ZNF622: variants seen among roughly 807,000 people sequenced by gnomAD.
The protein encoded by ZNF622 is zinc finger protein 622.
A neutral mutation model predicts 49.7 loss-of-function variants in ZNF622; 34 were observed. The observed-to-expected ratio is 0.68, with a 90% confidence interval of 0.52 to 0.91. ZNF622 has a LOEUF of 0.91. ZNF622 is among the 40% of genes least tolerant of loss of function. ZNF622 has a pLI of 0.00. For missense variants in ZNF622, 569 were observed against 616.4 expected (o/e 0.92, Z 0.81); for synonymous variants, 209 against 228.7 (o/e 0.91, Z 0.78).
intron 5 of ZNF622, among the ~76,000 whole-genome samples, chr5:16,452,568 T>C (rs1201919936): frequency 6.6e-6 from 1 of 152,184 alleles, no homozygotes; most frequent in Non-Finnish European, 1.5e-5. Context: ...ATCATCTCTG[T>C]TTTATAAATG....
Position 16,453,119 on chromosome 5 carries a change from G to A in ZNF622, c.1200C>T (p.Tyr400=), listed in dbSNP as rs779826645. 5 of 1,571,240 alleles carry A rather than the reference G, an allele frequency of 3.2e-6. No individual in the cohort carries two copies. In the South Asian group the frequency reaches 4.6e-5, roughly 15 times the overall value. ...RVGHRSLMRY[Y]KQRFGLSRAV... ...CTCTTGACAAGCCAAATCGCTGTTT[G>A]TAGTATCTCATCAAGGAGCGATGAC... Residue 400 remains tyrosine (Y), a synonymous_variant, in exon 5 of 6, where the codon TAC becomes TAT. Transcript: ENST00000308683.
At position 16,453,145 on chromosome 5, in the gene ZNF622, C is replaced by A. The variant is rs960375926; in HGVS notation, c.1174G>T (p.Gly392Cys). The A allele has an allele frequency of 2.0e-6, 3 of 1,513,076 alleles. No individual in the cohort carries two copies. Among genetic ancestry groups the A allele is most frequent in the Non-Finnish European group, 2.7e-6 (3 of 1,122,196 alleles). The allele number at this position is 1,513,076 out of a possible 1,614,324, so 93.7% of individuals were successfully genotyped here. The change falls in exon 5 of 6, where the codon GGT becomes TGT. Residue 392 changes from glycine (G) to cysteine (C), a missense_variant. By Grantham distance (159) the Gly-to-Cys change is radical. Coordinates refer to ENST00000308683, the MANE Select transcript of ZNF622 (RefSeq NM_033414.3). ...ELILPSGARVGHRSLMRYYKQ... is the reference protein window; with the variant it reads ...ELILPSGARVCHRSLMRYYKQ... ...TAGTATCTCATCAAGGAGCGATGACCCACTCTGGCACCTGTTTTTCAAAAG... is the reference window on the plus strand; with the variant it reads ...TAGTATCTCATCAAGGAGCGATGACACACTCTGGCACCTGTTTTTCAAAAG...
At position 16,465,619 on chromosome 5, in the gene ZNF622, G is replaced by C. The variant is rs755855051; in HGVS notation, c.47C>G (p.Ala16Gly). 2.5e-6 allele frequency: 4 copies of C among 1,599,188 alleles called. No individual in the cohort carries two copies. The highest frequency in any genetic ancestry group is 1.1e-5 in the South Asian group (1 of 89,686). ...CITCRVAFRD[A>G]DMQRAHYKTD... ...CTTATAGTGGGCCCGCTGCATGTCCGCGTCGCGGAACGCCACCCGGCAAGT... is the reference window on the plus strand; with the variant it reads ...CTTATAGTGGGCCCGCTGCATGTCCCCGTCGCGGAACGCCACCCGGCAAGT... The change falls in exon 1 of 6, where the codon GCG (alanine) becomes GGG (glycine). Residue 16 changes from alanine (A) to glycine (G), a missense_variant. Physicochemically the swap from Ala to Gly is moderately conservative, Grantham distance 60 (BLOSUM62 0). Transcript: ENST00000308683. The surrounding 1 kb of genome is among the most constrained non-coding windows in gnomAD (Gnocchi z 6.2).
At position 16,463,426 on chromosome 5, in the gene ZNF622, C is replaced by A; in HGVS notation, c.886+56G>T. 1 of 1,544,876 alleles carries A rather than the reference C, an allele frequency of 6.5e-7. No homozygotes were observed. Among genetic ancestry groups the A allele is most frequent in the African/African-American group, 1.4e-5 (1 of 72,674 alleles). On this transcript the variant is annotated intron_variant, in intron 2 of 5. Transcript: ENST00000308683. The surrounding 1 kb of genome is among the most constrained non-coding windows in gnomAD (Gnocchi z 4.2). ...ATGCAAAACTAATGTTCCCTTGAGA[C>A]CAGTCCCCCAATAATGTGATTATTT...
At chr5:16,453,185 ACT>A in intron 4 of ZNF622, 29 bp from the exon 5 acceptor site, 1 of 1,440,100 alleles carries the variant, frequency 6.9e-7, no homozygotes. Context: ...ATACTGAAAC[ACT>A]GAGTTGGATA....
At position 16,451,651 on chromosome 5, in the gene ZNF622, A is replaced by G. The variant is rs776577634; in HGVS notation, c.*6T>C. On this transcript the variant is annotated 3_prime_UTR_variant, in exon 6 of 6. Coordinates refer to ENST00000308683, the MANE Select transcript of ZNF622 (RefSeq NM_033414.3). ...CAGGAGATGATTGCTCAATCCCAGC[A>G]GACTCTCAGAATCTCACTTGGACCC... 3.1e-6 allele frequency: 5 copies of G among 1,612,790 alleles called. No individual in the cohort carries two copies. The highest frequency in any genetic ancestry group is 1.3e-5 in the African/African-American group (1 of 74,916).
intron 4 of ZNF622, among the ~76,000 whole-genome samples, chr5:16,453,545 T>A (rs1737967601): frequency 7.5e-6 from 1 of 133,164 alleles, no homozygotes; most frequent in Admixed American, 8.0e-5. Context: ...TTTATATATA[T>A]AAATAAATAA....
At chr5:16,458,755 T>C in intron 3 of ZNF622, 126 bp from the exon 4 acceptor site, 2 of 610,338 alleles carry the variant, frequency 3.3e-6, no homozygotes, top group South Asian at 2.3e-5. Flanking sequence ...GAAGCAGCTG[T>C]AGGAACTACC....
intron 5 of ZNF622, 54 bp from the exon 6 acceptor site, chr5:16,451,838 G>A: frequency 6.3e-7 from 1 of 1,575,756 alleles, no homozygotes; most frequent in East Asian, 2.3e-5. Context: ...TTTGTGATCA[G>A]AGAAAATCCA....
chr5:16,460,419 G>A (rs2126493437), intron 3 of ZNF622, among the ~76,000 whole-genome samples: 1 of 152,246 alleles, frequency 6.6e-6, no homozygotes, highest in South Asian at 2.1e-4. Flanking sequence ...GTGAAATTTA[G>A]GTAATTTGTC....
chr5:16,464,276 T>C (rs1031837453), intron 1 of ZNF622, among the ~76,000 whole-genome samples: 5 of 152,132 alleles, frequency 3.3e-5, no homozygotes, highest in Non-Finnish European at 2.9e-5. Flanking sequence ...ATAAATGGAT[T>C]AGTGCGAGGG....
chr5:16,453,837 C>A (rs1228378033), intron 4 of ZNF622, among the ~76,000 whole-genome samples: 1 of 151,904 alleles, frequency 6.6e-6, no homozygotes, highest in Admixed American at 6.6e-5. Context: ...TGCTATTAAA[C>A]ATCTTTACAT....
At chr5:16,454,613 T>C (rs1247855760) in intron 4 of ZNF622, among the ~76,000 whole-genome samples, 1 of 152,166 alleles carries the variant, frequency 6.6e-6, no homozygotes. Flanking sequence ...TTCAAGGTTC[T>C]TATTTAAGGG....
At chr5:16,461,377 G>A (rs1044773789) in intron 3 of ZNF622, among the ~76,000 whole-genome samples, 1 of 152,192 alleles carries the variant, frequency 6.6e-6, no homozygotes, top group Non-Finnish European at 1.5e-5. Flanking sequence ...GTTTTAAAAG[G>A]ATCCCCCTAG....
chr5:16,458,454 G>A (rs2126492365), intron 4 of ZNF622, 63 bp downstream of exon 4: 2 of 1,117,144 alleles, frequency 1.8e-6, no homozygotes, highest in East Asian at 4.7e-5. Flanking sequence ...GTAATTGATG[G>A]AGATATGCTT....
At chr5:16,464,645 T>G (rs937103652) in intron 1 of ZNF622, among the ~76,000 whole-genome samples, 1 of 152,148 alleles carries the variant, frequency 6.6e-6, no homozygotes, top group Admixed American at 6.5e-5. Flanking sequence ...TCATTCTGTT[T>G]TACTCAACTA....
At position 16,465,227 on chromosome 5, in the gene ZNF622, C is replaced by A; in HGVS notation, c.439G>T (p.Ala147Ser). Residue 147 changes from alanine (A) to serine (S), a missense_variant, in exon 1 of 6, where the codon GCG (alanine) becomes TCG (serine). Ala to Ser is a moderately conservative substitution (Grantham distance 99, BLOSUM62 1). Coordinates refer to ENST00000308683, the MANE Select transcript of ZNF622 (RefSeq NM_033414.3). This position sits in a 1 kb window ranked among gnomAD's most constrained non-coding sequence, Gnocchi z 6.2. ...GCCTCCTTTGCAGGCGCTGGGGGCG[C>A]CTTCTTGGGAGACATGGACGGCTGG... ...KAQPSMSPKK[A>S]PPAPAKEARN... is the part of the protein sequence containing the mutation. 1 of 1,614,194 alleles carries A rather than the reference C, an allele frequency of 6.2e-7. No individual in the cohort carries two copies. Among genetic ancestry groups the A allele is most frequent in the Non-Finnish European group, 8.5e-7 (1 of 1,180,036 alleles).
Position 16,463,431 on chromosome 5 carries a change from C to G in ZNF622, c.886+51G>C. The G allele has an allele frequency of 6.4e-7, 1 of 1,550,914 alleles. No individual in the cohort carries two copies. Among genetic ancestry groups the G allele is most frequent in the Non-Finnish European group, 8.8e-7 (1 of 1,141,188 alleles). On this transcript the variant is annotated intron_variant, in intron 2 of 5. Transcript: ENST00000308683. The surrounding 1 kb of genome is among the most constrained non-coding windows in gnomAD (Gnocchi z 4.2). ...AAACTAATGTTCCCTTGAGACCAGTCCCCCAATAATGTGATTATTTCCTCA... is the reference window on the plus strand; with the variant it reads ...AAACTAATGTTCCCTTGAGACCAGTGCCCCAATAATGTGATTATTTCCTCA...
Position 16,451,726 on chromosome 5 carries a change from C to A in ZNF622, c.1365G>T (p.Trp455Cys), listed in dbSNP as rs1016881754. Residue 455 changes from tryptophan (W) to cysteine (C), a missense_variant, in exon 6 of 6, where the codon TGG (tryptophan) becomes TGT (cysteine). Coordinates refer to ENST00000308683, the MANE Select transcript of ZNF622 (RefSeq NM_033414.3). ...TGTTCTTCATTCCTGTCTTCAGCAT[C>A]CATTTTGATTTCATCCTTTGGACAT... ...MQYVQRMKSKWMLKTGMKNNA... is the reference protein window; with the variant it reads ...MQYVQRMKSKCMLKTGMKNNA... 1 of 1,614,022 alleles carries A rather than the reference C, an allele frequency of 6.2e-7. No homozygotes were observed. Among genetic ancestry groups the A allele is most frequent in the Non-Finnish European group, 8.5e-7 (1 of 1,180,034 alleles).
Sources: allele counts gnomAD v4.1 joint callset (sites outside exome capture counted in the v4.1 genomes callset), GRCh38; gene constraint gnomAD v4.1.1; non-coding constraint Gnocchi (gnomAD v3.1); transcripts MANE v1.5; gene names NCBI Gene and HGNC (gene_info 2026-07-23, HGNC 2026-07-21).